RHCE: variants seen among roughly 807,000 people sequenced by gnomAD.
The protein encoded by RHCE is Rh blood group CcEe antigens.
A neutral mutation model predicts 43.8 loss-of-function variants in RHCE; 22 were observed. The ratio of observed to expected loss-of-function variants is 0.50; its 90% CI spans 0.36 to 0.72. The LOEUF (loss-of-function observed/expected upper bound fraction) is 0.72. RHCE is among the 30% of genes least tolerant of loss of function. The probability of loss-of-function intolerance (pLI) is 0.00; values close to 1 mark genes in which losing one functional copy is unlikely to be tolerated. For synonymous variants in RHCE, 156 were observed against 210.7 expected, an observed-to-expected ratio of 0.74 and a Z score of 2.25; for missense variants, 385 against 525.4, an observed-to-expected ratio of 0.73 and a Z score of 2.61.
At chr1:25,424,807 T>C (rs1420906817), upstream of RHCE, among the ~76,000 whole-genome samples, 3 of 152,092 alleles carry the variant, frequency 2.0e-5, no homozygotes, top group Non-Finnish European at 4.4e-5. Flanking sequence ...ACGAAGTCTA[T>C]ATTTTTACTT....
At chr1:25,389,138 A>G (rs1646276282) in intron 5 of RHCE, 25 bp from the exon 6 acceptor site, 1 of 1,611,878 alleles carries the variant, frequency 6.2e-7, no homozygotes, top group Admixed American at 1.7e-5. Context: ...CGTGTGGGTA[A>G]AGGAAGCAAG....
intron 7 of RHCE, among the ~76,000 whole-genome samples, chr1:25,379,475 ATATATATATATATATATATATTTTTT>A (rs1156884763): frequency 2.2e-3 from 28 of 12,692 alleles, no homozygotes; most frequent in East Asian, 0.01. Flanking sequence ...ATATATATAT[ATATATATATATATATATATATTTTTT>A]TTTTTTTTTT....
chr1:25,419,233 T>C (rs28373622), intron 1 of RHCE, among the ~76,000 whole-genome samples: 7 of 152,216 alleles, frequency 4.6e-5, no homozygotes, highest in African/African-American at 9.7e-5. Context: ...TAAATATCAG[T>C]TCTAATCATC....
intron 3 of RHCE, among the ~76,000 whole-genome samples, chr1:25,395,616 T>C (rs1270924468): frequency 6.6e-6 from 1 of 152,072 alleles, no homozygotes; most frequent in Non-Finnish European, 1.5e-5. Context: ...AAAGCTCTGG[T>C]GACATTTTCT....
At chr1:25,402,836 T>A in intron 2 of RHCE, 90 bp from the exon 3 acceptor site, 1 of 1,559,442 alleles carries the variant, frequency 6.4e-7, no homozygotes, top group Middle Eastern at 1.7e-4. Context: ...ACAAACACTG[T>A]TGGGCACCTT....
At chr1:25,420,954 G>A, upstream of RHCE, 1 of 1,313,742 alleles carries the variant, frequency 7.6e-7, no homozygotes, top group South Asian at 1.3e-5. Context: ...CACGGAAGCA[G>A]AGGGACTATG....
At chr1:25,382,012 G>T (rs1354557468) in intron 7 of RHCE, among the ~76,000 whole-genome samples, 1 of 151,188 alleles carries the variant, frequency 6.6e-6, no homozygotes, top group African/African-American at 2.5e-5. Flanking sequence ...CAAAAGCATG[G>T]TGCCACCATC....
chr1:25,404,846 G>A (rs1646866136), intron 2 of RHCE, among the ~76,000 whole-genome samples: 1 of 151,534 alleles, frequency 6.6e-6, no homozygotes, highest in Admixed American at 6.6e-5. Flanking sequence ...GTTGGTTATT[G>A]CTATTATCTT....
chr1:25,403,057 T>C (rs1297408024), intron 2 of RHCE, among the ~76,000 whole-genome samples: 5 of 151,532 alleles, frequency 3.3e-5, no homozygotes, highest in Admixed American at 1.3e-4. Context: ...GGGGTGACTG[T>C]TCCCTCAGGG....
chr1:25,390,987 G>A, intron 4 of RHCE, 72 bp from the exon 5 acceptor site: 1 of 1,604,416 alleles, frequency 6.2e-7, no homozygotes, highest in South Asian at 1.1e-5. Context: ...AGGGGTTTTG[G>A]ATGAGAATCC....
chr1:25,375,807 TTTC>T lies in RHCE; in HGVS notation c.1074-382_1074-380del, dbSNP rs1184796887. Among the ~76,000 whole-genome samples, 1,268 of 139,608 alleles carry T rather than the reference TTTC, an allele frequency of 9.1e-3. 51 individuals carry two copies. Among genetic ancestry groups the T allele is most frequent in the African/African-American group, 0.034 (1,175 of 34,248 alleles). The allele number at this position is 139,608 out of a possible 152,430, so 91.6% of individuals were successfully genotyped here. A position where few individuals can be genotyped will look rare whatever the true frequency, so the allele number is the denominator to read the frequency against. On this transcript the variant is annotated intron_variant, in intron 7 of 9. Transcript: ENST00000294413. Reference sequence around the variant, plus strand: ...TCTCTCTCTCTTTTTTTTTTTTTTTTTTCTGTTTTTGTTTGTGAGATGGAGTCT... The same window carrying T: ...TCTCTCTCTCTTTTTTTTTTTTTTTTTGTTTTTGTTTGTGAGATGGAGTCT...
In RHCE at chr1:25,390,789, G is replaced by C; in HGVS notation, c.761C>G (p.Ser254Ter). 1 of 1,614,246 alleles carries C rather than the reference G, an allele frequency of 6.2e-7. No homozygotes were observed. The highest frequency in any genetic ancestry group is 8.5e-7 in the Non-Finnish European group (1 of 1,180,036). The stretch of plus-strand genomic sequence containing the variant: ...TTGGGGGTGAGCCAAGGATGACCCT[G>C]AGATGGCTGTCACCACACTGACTGC... ...ALAVSVVTAI[S>*]GSSLAHPQRK... The change falls in exon 5 of 10, where the codon TCA (serine) becomes TGA (stop). Residue 254 changes from serine to a stop codon, truncating the protein, a stop_gained. Transcript: ENST00000294413. LOFTEE classifies it high-confidence loss of function.
At chr1:25,418,829 C>T (rs1333506679) in intron 1 of RHCE, among the ~76,000 whole-genome samples, 6 of 152,242 alleles carry the variant, frequency 3.9e-5, no homozygotes. Context: ...GGACCCTCCT[C>T]TGAGCTTCCA....
chr1:25,385,652 A>G, intron 7 of RHCE, 59 bp downstream of exon 7: 1 of 1,613,468 alleles, frequency 6.2e-7, no homozygotes, highest in Non-Finnish European at 8.5e-7. Context: ...CTCTGCACAC[A>G]TTTCTTCCTG....
At chr1:25,417,528 C>G (rs964088164) in intron 1 of RHCE, among the ~76,000 whole-genome samples, 2 of 152,156 alleles carry the variant, frequency 1.3e-5, no homozygotes, top group Non-Finnish European at 2.9e-5. Flanking sequence ...CTAATCAGAT[C>G]TGACAAGTCA....
Position 25,409,345 on chromosome 1 carries a change from T to A in RHCE, c.149-476A>T, listed in dbSNP as rs576924515. On this transcript the variant is annotated intron_variant, in intron 1 of 9. Coordinates refer to ENST00000294413, the MANE Select transcript of RHCE (RefSeq NM_020485.8). The stretch of plus-strand genomic sequence containing the variant: ...ACACACAGAAAAGAGAGGGCAGAGA[T>A]AGGCCCAGTGCTCTTGTTGTTGGGA... Among the ~76,000 whole-genome samples the A allele has an allele frequency of 3.1e-4, 39 of 123,886 alleles. 15 individuals carry two copies. The East Asian group carries it at 3.7e-3, about 12-fold the overall frequency. 81.3% of individuals were successfully genotyped at this position (123,886 alleles called of 152,430 possible).
intron 7 of RHCE, among the ~76,000 whole-genome samples, chr1:25,381,457 CTTTTTTTT>C (rs757669054): frequency 1.5e-5 from 2 of 134,274 alleles, no homozygotes; most frequent in African/African-American, 5.6e-5. Flanking sequence ...TTTTCTTTTT[CTTTTTTTT>C]TTTTTTTTGA....
intron 2 of RHCE, 81 bp downstream of exon 2, chr1:25,408,602 T>A: frequency 1.1e-6 from 1 of 942,238 alleles, no homozygotes; most frequent in Non-Finnish European, 1.5e-6. Flanking sequence ...GAGGGGGCAA[T>A]ATCCCAGATC....
chr1:25,369,456 T>A (rs995390785), intron 9 of RHCE, among the ~76,000 whole-genome samples: 12 of 151,454 alleles, frequency 7.9e-5, no homozygotes, highest in Non-Finnish European at 1.6e-4. Context: ...CACATCAGAG[T>A]GCTGCGTGAA....
Sources: gnomAD v4.1 joint callset for allele counts (sites outside exome capture counted in the v4.1 genomes callset) on GRCh38, gnomAD v4.1.1 for gene constraint, MANE v1.5 for transcripts, NCBI Gene and HGNC (gene_info 2026-07-23, HGNC 2026-07-21) for gene names.